The following HDAC4 variants were observed in gnomAD, a reference collection of about 807,000 sequenced individuals.
The protein encoded by HDAC4 is histone deacetylase A.
A neutral mutation model predicts 135.1 loss-of-function variants in HDAC4; 16 were observed. The observed-to-expected ratio is 0.12, with a 90% CI of 0.08 to 0.18. The LOEUF (loss-of-function observed/expected upper bound fraction) is 0.18. HDAC4 is among the 10% of genes least tolerant of loss of function. The pLI is 1.00. For missense variants in HDAC4, 1,143 were observed against 1,511.8 expected, an observed-to-expected ratio of 0.76 and a Z score of 4.05; for synonymous variants, 685 against 653.4, an observed-to-expected ratio of 1.05 and a Z score of -0.74.
At position 239,280,469 on chromosome 2, in the gene HDAC4, G is replaced by A. The variant is rs144496555; in HGVS notation, c.23-43805C>T. On this transcript the variant is annotated intron_variant, in intron 2 of 26. Coordinates refer to ENST00000543185, the MANE Select transcript of HDAC4 (RefSeq NM_001378414.1). The stretch of plus-strand genomic sequence containing the variant: ...GTGCCGACTGGTCCCTCCGATGGGC[G>A]AGCCAGGGGCACAGAAGGCAGGCAG... Among the ~76,000 whole-genome samples the A allele has an allele frequency of 1.4e-3, 213 of 152,270 alleles. 1 individual carries two copies. Among genetic ancestry groups the A allele is most frequent in the African/African-American group, 4.8e-3 (199 of 41,548 alleles).
chr2:239,216,115 C>T (rs74874286), intron 3 of HDAC4, among the ~76,000 whole-genome samples: 4,650 of 152,042 alleles, frequency 0.031, 245 homozygotes, highest in African/African-American at 0.11. Context: ...TTAATTAGGG[C>T]CATATTATGC....
intron 1 of HDAC4, among the ~76,000 whole-genome samples, chr2:239,394,448 G>A (rs541782685): frequency 2.6e-5 from 4 of 152,272 alleles, no homozygotes; most frequent in African/African-American, 7.2e-5. Context: ...CTCACACGCC[G>A]GGGCCCTGGG....
At chr2:239,221,988 G>A (rs927644851) in intron 3 of HDAC4, among the ~76,000 whole-genome samples, 2 of 152,126 alleles carry the variant, frequency 1.3e-5, no homozygotes, top group African/African-American at 2.4e-5. Context: ...AATTTGATTC[G>A]AACAGAAAAT....
chr2:239,392,101 G>A (rs535776453), intron 1 of HDAC4, among the ~76,000 whole-genome samples: 1 of 152,238 alleles, frequency 6.6e-6, no homozygotes, highest in Non-Finnish European at 1.5e-5. Flanking sequence ...TGCCGGGCAG[G>A]GGTGGGATGG....
In HDAC4 at chr2:239,352,064, T is replaced by G. The variant is rs1186703486; in HGVS notation, c.22+614A>C. 6.6e-6 allele frequency among the ~76,000 whole-genome samples: 1 copy of G among 152,044 alleles called. No individual in the cohort carries two copies. The highest frequency in any genetic ancestry group is 1.5e-5 in the Non-Finnish European group (1 of 67,986). ...TGGGCCCATGACATGCTTCTGAAGC[T>G]CAGAGCAGGACAAGCTTGCTTCCCA... On this transcript the variant is annotated intron_variant, in intron 2 of 26. Transcript: ENST00000543185. This position sits in a 1 kb window ranked among gnomAD's most constrained non-coding sequence, Gnocchi z 4.4.
At chr2:239,384,745 C>G (rs1360465512) in intron 1 of HDAC4, among the ~76,000 whole-genome samples, 1 of 152,058 alleles carries the variant, frequency 6.6e-6, no homozygotes, top group East Asian at 1.9e-4. Context: ...CACCATATAC[C>G]CCACGGCTCT....
rs2031486763 is a variant in HDAC4, at chr2:239,054,614, T to G, written c.3088+135A>C. On this transcript the variant is annotated intron_variant, in intron 25 of 26. Transcript: ENST00000543185. ...AAGAAATGCAGCTGAAAGCAAGGCC[T>G]TCTGCTGCAGGCCTGGGGAAGCAGC... 4.1e-6 allele frequency: 3 copies of G among 735,802 alleles called. No homozygotes were observed. The Admixed American group carries it at 5.5e-5, about 14-fold the overall frequency. 45.6% of individuals were successfully genotyped at this position (735,802 alleles called of 1,614,324 possible). A position where few individuals can be genotyped will look rare whatever the true frequency, so the allele number is the denominator to read the frequency against.
chr2:239,357,991 A>G (rs571379647), intron 1 of HDAC4, among the ~76,000 whole-genome samples: 2 of 152,214 alleles, frequency 1.3e-5, no homozygotes, highest in East Asian at 3.9e-4. Context: ...ACTTTATGCC[A>G]ATAAATTTGA....
At chr2:239,085,681 C>T (rs184508533) in intron 19 of HDAC4, 37 of 152,278 alleles carry the variant, frequency 2.4e-4, no homozygotes, top group African/African-American at 8.7e-4. Flanking sequence ...TTCCAACAAG[C>T]ATCCCTCCCT....
chr2:239,114,604 G>A (rs534946881), intron 13 of HDAC4, among the ~76,000 whole-genome samples: 2 of 152,324 alleles, frequency 1.3e-5, no homozygotes, highest in African/African-American at 4.8e-5. Flanking sequence ...GCACCCGTCT[G>A]TCTGGATCTG....
rs1011490606 is a variant in HDAC4 at position 239,115,484 on chromosome 2, T to C, written c.1534-174A>G. On this transcript the variant is annotated intron_variant, in intron 12 of 26. Transcript: ENST00000543185. This position sits in a 1 kb window ranked among gnomAD's most constrained non-coding sequence, Gnocchi z 6.3. ...CTTTATCTCCCAACAGGCACTGGGG[T>C]GCCTGAGTGCCTAAGAAAATAATGC... Among the ~76,000 whole-genome samples, 1 of 151,100 alleles carries C rather than the reference T, an allele frequency of 6.6e-6. No individual in the cohort carries two copies. The highest frequency in any genetic ancestry group is 1.5e-5 in the Non-Finnish European group (1 of 67,774).
At chr2:239,398,932 T>C (rs1696748191) in intron 1 of HDAC4, among the ~76,000 whole-genome samples, 1 of 152,222 alleles carries the variant, frequency 6.6e-6, no homozygotes, top group Non-Finnish European at 1.5e-5. Context: ...CCGGCTTCTT[T>C]TCTAATTGAT....
rs534795643 is a variant in HDAC4, at chr2:239,311,983, G to C, written c.22+40695C>G. Among the ~76,000 whole-genome samples the C allele has an allele frequency of 1.2e-3, 178 of 152,272 alleles. 1 individual carries two copies. The highest frequency in any genetic ancestry group is 4.4e-3 in the East Asian group (23 of 5,170). ...GGTTCTGTGGTTCCCTGGGGCCCTA[G>C]ACTAACATGAGGAAGGGGAAACAGA... On this transcript the variant is annotated intron_variant, in intron 2 of 26. Transcript: ENST00000543185.
At chr2:239,118,307 C>G (rs965518504) in intron 12 of HDAC4, among the ~76,000 whole-genome samples, 3 of 152,238 alleles carry the variant, frequency 2.0e-5, no homozygotes, top group Non-Finnish European at 4.4e-5. Flanking sequence ...CCGAAGGCAG[C>G]TTTTCTTCAG....
Position 239,068,726 on chromosome 2 carries a change from C to T in HDAC4, c.2751-119G>A, listed in dbSNP as rs72990468. The T allele has an allele frequency of 0.019, 16,633 of 863,474 alleles. 206 individuals are homozygous for T. The highest frequency in any genetic ancestry group is 0.025 in the Non-Finnish European group (12,578 of 507,628). The allele number at this position is 863,474 out of a possible 1,614,324, so 53.5% of individuals were successfully genotyped here. ...TGCCCCGCACCCCCTCGGCCACTGG[C>T]GGGCTGAGGGCTCCACACAGCAGGC... On this transcript the variant is annotated intron_variant, in intron 22 of 26. Transcript: ENST00000543185. The surrounding 1 kb of genome is among the most constrained non-coding windows in gnomAD (Gnocchi z 4.4).
chr2:239,371,488 AACAC>A (rs900584221), intron 1 of HDAC4, among the ~76,000 whole-genome samples: 2 of 151,934 alleles, frequency 1.3e-5, no homozygotes, highest in African/African-American at 2.4e-5. Context: ...CACTAACACA[AACAC>A]ACAAACATGC....
At chr2:239,392,046 G>A (rs1696256139) in intron 1 of HDAC4, among the ~76,000 whole-genome samples, 1 of 152,198 alleles carries the variant, frequency 6.6e-6, no homozygotes, top group Non-Finnish European at 1.5e-5. Flanking sequence ...CTTGGGAGGT[G>A]AGTTGGATGC....
intron 3 of HDAC4, among the ~76,000 whole-genome samples, chr2:239,217,541 T>C (rs965455515): frequency 2.7e-4 from 41 of 151,830 alleles, no homozygotes; most frequent in African/African-American, 9.7e-4. Flanking sequence ...AATCAGAAGG[T>C]TGGAGAAAAG....
At chr2:239,060,363 CCTT>C (rs1298265501) in intron 24 of HDAC4, among the ~76,000 whole-genome samples, 1 of 152,228 alleles carries the variant, frequency 6.6e-6, no homozygotes, top group Non-Finnish European at 1.5e-5. Context: ...ACCGCTCTCT[CCTT>C]CTCTCCCTCT....
Sources: gnomAD v4.1 joint callset for allele counts (sites outside exome capture counted in the v4.1 genomes callset) on GRCh38, gnomAD v4.1.1 for gene constraint, Gnocchi (gnomAD v3.1) non-coding constraint, MANE v1.5 for transcripts, NCBI Gene and HGNC (gene_info 2026-07-23, HGNC 2026-07-21) for gene names.